The following NAA40 variants were observed in gnomAD, a reference collection of about 807,000 sequenced individuals.
NAA40 encodes N-alpha-acetyltransferase 40, NatD catalytic subunit, also known as N-alpha-acetyltransferase 40.
A neutral mutation model predicts 36.6 loss-of-function variants in NAA40; 26 were observed. That is an observed-to-expected ratio of 0.71 (90% CI 0.52 to 0.98). The LOEUF (loss-of-function observed/expected upper bound fraction) is 0.98. Among genes scored for constraint, NAA40 ranks in the 50% least tolerant of loss-of-function variants. The pLI is 0.00. For synonymous variants in NAA40, 129 were observed against 108.4 expected, an observed-to-expected ratio of 1.19 and a Z score of -1.18; for missense variants, 237 against 306.5, an observed-to-expected ratio of 0.77 and a Z score of 1.69.
chr11:63,951,340 C>T lies in NAA40; in HGVS notation c.156-898C>T, dbSNP rs182813512. The stretch of plus-strand genomic sequence containing the variant: ...GTGTTGGGCTGAAGCCTGCTTCACC[C>T]GGTTTTTTTTTGTTTGTTTGGAGAC... On this transcript the variant is annotated intron_variant, in intron 3 of 7. Transcript: ENST00000377793. 9.8e-4 allele frequency among the ~76,000 whole-genome samples: 149 copies of T among 152,118 alleles called. 1 individual carries two copies. Among genetic ancestry groups the T allele is most frequent in the Non-Finnish European group, 1.9e-3 (132 of 68,014 alleles).
intron 2 of NAA40, 173 bp downstream of exon 2, chr11:63,946,108 C>T (rs1364461147): frequency 6.6e-6 from 4 of 610,434 alleles, no homozygotes; most frequent in Non-Finnish European, 8.6e-6. Flanking sequence ...AAGTTGGCGC[C>T]AGCAGTTGGC....
chr11:63,946,371 A>G (rs999050712), intron 2 of NAA40: 5 of 255,526 alleles, frequency 2.0e-5, no homozygotes, highest in Non-Finnish European at 3.6e-5. Context: ...CCACCACCAC[A>G]CCCGGGTAAT....
Sources: allele counts gnomAD v4.1 joint callset (sites outside exome capture counted in the v4.1 genomes callset), GRCh38; gene constraint gnomAD v4.1.1; transcripts MANE v1.5; gene names NCBI Gene and HGNC (gene_info 2026-07-23, HGNC 2026-07-21).